Variants in ASAP1 observed in about 807,000 individuals in gnomAD.
ASAP1 encodes the protein ArfGAP with SH3 domain, ankyrin repeat and PH domain 1, also known as arf-GAP with SH3 domain, ANK repeat and PH domain-containing protein 1.
A neutral mutation model predicts 145.2 loss-of-function variants in ASAP1; 43 were observed. The ratio of observed to expected loss-of-function variants is 0.30; its 90% CI spans 0.23 to 0.38. The LOEUF is 0.38. Ranked by LOEUF, ASAP1 falls within the 10% of genes least tolerant of loss-of-function variation. ASAP1 has a pLI of 1.00. For missense variants in ASAP1, 1,018 were observed against 1,355.3 expected (o/e 0.75, Z 3.91); for synonymous variants, 546 against 515.5 (o/e 1.06, Z -0.80).
intron 3 of ASAP1, among the ~76,000 whole-genome samples, chr8:130,242,260 T>TAA (rs1818571377): frequency 2.2e-5 from 1 of 46,084 alleles, no homozygotes; most frequent in Non-Finnish European, 3.7e-5. Context: ...AGTGATTTCC[T>TAA]TAAAAAAAAA....
At chr8:130,204,260 A>C (rs1289637564) in intron 5 of ASAP1, among the ~76,000 whole-genome samples, 1 of 152,162 alleles carries the variant, frequency 6.6e-6, no homozygotes, top group East Asian at 1.9e-4. Context: ...AATGTGCTCA[A>C]ATCATCCCGA....
chr8:130,195,701 T>C (rs1299957259), intron 5 of ASAP1, among the ~76,000 whole-genome samples: 1 of 152,154 alleles, frequency 6.6e-6, no homozygotes. Context: ...GGTCTATCTT[T>C]CATTATGCAA....
At chr8:130,248,030 C>T (rs1015811729) in intron 3 of ASAP1, among the ~76,000 whole-genome samples, 7 of 152,062 alleles carry the variant, frequency 4.6e-5, no homozygotes, top group African/African-American at 1.7e-4. Context: ...TGAAAAACAC[C>T]ACTGAGAGTG....
chr8:130,266,481 A>T (rs999994236), intron 3 of ASAP1, among the ~76,000 whole-genome samples: 1 of 152,226 alleles, frequency 6.6e-6, no homozygotes, highest in Non-Finnish European at 1.5e-5. Flanking sequence ...GAATTAAATA[A>T]GCAGTTTGGA....
chr8:130,260,896 G>C (rs552313500), intron 3 of ASAP1, among the ~76,000 whole-genome samples: 9 of 152,276 alleles, frequency 5.9e-5, no homozygotes, highest in Non-Finnish European at 1.3e-4. Context: ...ATATTGTGGT[G>C]CATAAAACCA....
At chr8:130,339,238 T>C (rs1457200173) in intron 3 of ASAP1, among the ~76,000 whole-genome samples, 3 of 152,208 alleles carry the variant, frequency 2.0e-5, no homozygotes, top group Non-Finnish European at 4.4e-5. Flanking sequence ...AGGTGACTTA[T>C]CTGGGCTATC....
chr8:130,222,084 C>T (rs892109405), intron 4 of ASAP1, among the ~76,000 whole-genome samples: 2 of 152,200 alleles, frequency 1.3e-5, no homozygotes, highest in Non-Finnish European at 2.9e-5. Context: ...CTTCAGACAA[C>T]GCTGAAGAGT....
chr8:130,369,097 T>C (rs1378757652), intron 2 of ASAP1, among the ~76,000 whole-genome samples: 2 of 152,228 alleles, frequency 1.3e-5, no homozygotes, highest in Non-Finnish European at 2.9e-5. Context: ...ATCAATTAGA[T>C]AATACACATA....
At chr8:130,348,026 T>C (rs987451289) in intron 3 of ASAP1, among the ~76,000 whole-genome samples, 1 of 152,192 alleles carries the variant, frequency 6.6e-6, no homozygotes, top group African/African-American at 2.4e-5. Context: ...GGAGTTGGAC[T>C]AGATGGTCTC....
At chr8:130,071,905 A>G (rs1281382094) in intron 27 of ASAP1, among the ~76,000 whole-genome samples, 1 of 152,170 alleles carries the variant, frequency 6.6e-6, no homozygotes, top group Non-Finnish European at 1.5e-5. Flanking sequence ...TGGTGCTATG[A>G]TATGTATTAG....
chr8:130,328,613 T>TC (rs1824489441), intron 3 of ASAP1, among the ~76,000 whole-genome samples: 1 of 143,880 alleles, frequency 7.0e-6, no homozygotes, highest in Non-Finnish European at 1.5e-5. Flanking sequence ...CAGTAGTTCT[T>TC]TTTTTTTTTT....
At chr8:130,106,494 A>C (rs563356551) in intron 24 of ASAP1, among the ~76,000 whole-genome samples, 2 of 152,330 alleles carry the variant, frequency 1.3e-5, no homozygotes, top group East Asian at 1.9e-4. Context: ...GAAATGTCTA[A>C]AATGCATACA....
intron 13 of ASAP1, among the ~76,000 whole-genome samples, chr8:130,139,693 C>A (rs1185624125): frequency 2.0e-5 from 3 of 151,642 alleles, no homozygotes. Flanking sequence ...CACGCCATTG[C>A]ACTCCAGCCT....
chr8:130,428,442 C>T (rs79814615), intron 1 of ASAP1, among the ~76,000 whole-genome samples: 6 of 3,920 alleles, frequency 1.5e-3, no homozygotes, highest in Non-Finnish European at 2.0e-3. Flanking sequence ...ATCACCACCA[C>T]CACCATCATT....
chr8:130,183,026 T>C (rs1814475366), intron 7 of ASAP1, among the ~76,000 whole-genome samples: 1 of 151,708 alleles, frequency 6.6e-6, no homozygotes, highest in Admixed American at 6.6e-5. Flanking sequence ...ATAATGAAAA[T>C]TCCCGAAAGA....
chr8:130,103,420 T>C (rs1442625556), intron 24 of ASAP1, among the ~76,000 whole-genome samples: 1 of 152,200 alleles, frequency 6.6e-6, no homozygotes, highest in African/African-American at 2.4e-5. Context: ...TGATCTTTTT[T>C]CTTTCCTTTT....
intron 16 of ASAP1, 88 bp from the exon 17 acceptor site, chr8:130,126,177 A>T: frequency 8.1e-7 from 1 of 1,236,858 alleles, no homozygotes; most frequent in Non-Finnish European, 1.1e-6. Context: ...CAGTAGTACA[A>T]ATTGTTAAGA....
chr8:130,236,019 CAAG>C (rs762088126), intron 4 of ASAP1, among the ~76,000 whole-genome samples: 2 of 151,996 alleles, frequency 1.3e-5, no homozygotes, highest in Non-Finnish European at 2.9e-5. Flanking sequence ...AATGGAGGCT[CAAG>C]AAGGAGAAAT....
intron 26 of ASAP1, among the ~76,000 whole-genome samples, chr8:130,078,820 C>T (rs993569668): frequency 1.3e-5 from 2 of 152,014 alleles, no homozygotes; most frequent in African/African-American, 2.4e-5. Flanking sequence ...CTCTGGGCCT[C>T]GCTCTCCTCA....
Sources: gnomAD v4.1 joint callset for allele counts (sites outside exome capture counted in the v4.1 genomes callset) on GRCh38, gnomAD v4.1.1 for gene constraint, MANE v1.5 for transcripts, NCBI Gene and HGNC (gene_info 2026-07-23, HGNC 2026-07-21) for gene names.